The following KHDRBS2 variants were observed in gnomAD, a reference collection of about 807,000 sequenced individuals.
The protein encoded by KHDRBS2 is KH domain-containing, RNA-binding, signal transduction-associated protein 2.
KHDRBS2 carries 26 observed loss-of-function variants against 44.3 expected under a neutral mutation model. The observed-to-expected ratio is 0.59, with a 90% CI of 0.43 to 0.81. The LOEUF is 0.81. KHDRBS2 is among the 40% of genes least tolerant of loss of function. KHDRBS2 has a pLI of 0.00. For synonymous variants in KHDRBS2, 194 were observed against 151.1 expected (o/e 1.28, Z -2.08); for missense variants, 476 against 433.1 (o/e 1.10, Z -0.88).
At chr6:61,602,155 T>C in the KHDRBS2 span, among the ~76,000 whole-genome samples, 1 of 152,150 alleles carries the variant, frequency 6.6e-6, no homozygotes, top group Non-Finnish European at 1.5e-5. Context: ...AATTAAATTC[T>C]GGCCCTCAAA....
At chr6:62,039,717 T>A (rs1428628320) in intron 3 of KHDRBS2, among the ~76,000 whole-genome samples, 9 of 152,022 alleles carry the variant, frequency 5.9e-5, no homozygotes, top group African/African-American at 2.2e-4. Flanking sequence ...TTGATCAAGA[T>A]AAATCTTCAA....
chr6:62,148,256 TA>T (rs1404867606), intron 2 of KHDRBS2, among the ~76,000 whole-genome samples: 1 of 151,986 alleles, frequency 6.6e-6, no homozygotes, highest in Non-Finnish European at 1.5e-5. Context: ...TACTCATAAA[TA>T]AAAATAACAA....
At chr6:61,755,614 A>AGCCTG (rs1256758574) in intron 6 of KHDRBS2, among the ~76,000 whole-genome samples, 1 of 151,938 alleles carries the variant, frequency 6.6e-6, no homozygotes, top group Non-Finnish European at 1.5e-5. Context: ...GTTCGAGACC[A>AGCCTG]GCCTGGCCAA....
At chr6:62,246,102 T>TTTTATATATATATATA (rs1434888553) in intron 1 of KHDRBS2, among the ~76,000 whole-genome samples, 1 of 124,350 alleles carries the variant, frequency 8.0e-6, no homozygotes, top group African/African-American at 2.9e-5. Flanking sequence ...TCAATCAATT[T>TTTTATATATATATATA]TATATATATA....
intron 6 of KHDRBS2, among the ~76,000 whole-genome samples, chr6:61,889,029 C>CA (rs918085207): frequency 2.6e-5 from 4 of 151,854 alleles, no homozygotes; most frequent in African/African-American, 9.7e-5. Flanking sequence ...AAGTAACTCA[C>CA]AAAAAATAGA....
chr6:61,659,174 G>T, the KHDRBS2 span: 1 of 151,666 alleles, frequency 6.6e-6, no homozygotes, highest in Non-Finnish European at 1.5e-5. Context: ...AAAAATAGAA[G>T]AAAATATGTT....
intron 2 of KHDRBS2, among the ~76,000 whole-genome samples, chr6:62,106,827 A>G (rs1166275910): frequency 2.0e-5 from 3 of 152,110 alleles, no homozygotes; most frequent in Non-Finnish European, 4.4e-5. Flanking sequence ...TATAAACAGA[A>G]CCAAAGACAA....
intron 1 of KHDRBS2, among the ~76,000 whole-genome samples, chr6:62,239,545 C>G (rs532121579): frequency 6.6e-6 from 1 of 150,420 alleles, no homozygotes; most frequent in African/African-American, 2.5e-5. Context: ...TGCACTCCAG[C>G]CTGCATGAAA....
chr6:61,806,652 A>G (rs1482627364), intron 6 of KHDRBS2, among the ~76,000 whole-genome samples: 1 of 137,634 alleles, frequency 7.3e-6, no homozygotes, highest in Non-Finnish European at 1.6e-5. Flanking sequence ...CAAATTTCCC[A>G]AATAGAAATA....
the KHDRBS2 span, among the ~76,000 whole-genome samples, chr6:61,616,309 A>G: frequency 7.2e-5 from 11 of 152,220 alleles, no homozygotes; most frequent in African/African-American, 2.4e-4. Flanking sequence ...TTACACTGTA[A>G]TGTTAGTGCA....
intron 6 of KHDRBS2, among the ~76,000 whole-genome samples, chr6:61,890,145 T>C (rs1801598894): frequency 1.3e-5 from 2 of 152,320 alleles, no homozygotes; most frequent in South Asian, 4.1e-4. Flanking sequence ...AGACATTTGG[T>C]TTGATTTGTT....
At chr6:62,111,849 T>A (rs1365241241) in intron 2 of KHDRBS2, among the ~76,000 whole-genome samples, 1 of 151,968 alleles carries the variant, frequency 6.6e-6, no homozygotes, top group East Asian at 1.9e-4. Context: ...ACCATTGAAC[T>A]CCCGCCTAGG....
At chr6:62,028,639 C>T (rs1446400536) in intron 3 of KHDRBS2, among the ~76,000 whole-genome samples, 1 of 152,062 alleles carries the variant, frequency 6.6e-6, no homozygotes, top group African/African-American at 2.4e-5. Flanking sequence ...AAAAACTTTA[C>T]AGTCTTGTGT....
intron 6 of KHDRBS2, among the ~76,000 whole-genome samples, chr6:61,837,380 C>A (rs1228477226): frequency 3.3e-5 from 5 of 151,898 alleles, no homozygotes; most frequent in South Asian, 2.1e-4. Context: ...CCTTAGGCAC[C>A]AACAGCTAGA....
At chr6:61,898,096 C>T (rs9354296) in intron 5 of KHDRBS2, among the ~76,000 whole-genome samples, 132,171 of 152,060 alleles carry the variant, frequency 0.87, 57,889 homozygotes, top group African/African-American at 0.95. Context: ...ATTAAATACA[C>T]TTTCAACAAA....
At chr6:61,788,349 C>A (rs1784131562) in intron 6 of KHDRBS2, among the ~76,000 whole-genome samples, 1 of 151,444 alleles carries the variant, frequency 6.6e-6, no homozygotes, top group South Asian at 2.1e-4. Flanking sequence ...CACTTAGTGT[C>A]ATTTCAAACA....
chr6:61,559,225 G>T, the KHDRBS2 span, among the ~76,000 whole-genome samples: 2 of 152,002 alleles, frequency 1.3e-5, no homozygotes, highest in Non-Finnish European at 2.9e-5. Context: ...CCTGATATAA[G>T]TATAGAAACT....
At chr6:62,196,471 T>A (rs1825728000) in intron 1 of KHDRBS2, among the ~76,000 whole-genome samples, 1 of 152,114 alleles carries the variant, frequency 6.6e-6, no homozygotes. Flanking sequence ...CTACAAAAGG[T>A]TATGCTCACA....
At chr6:61,888,724 G>A (rs1488200928) in intron 6 of KHDRBS2, among the ~76,000 whole-genome samples, 3 of 151,878 alleles carry the variant, frequency 2.0e-5, no homozygotes, top group Non-Finnish European at 2.9e-5. Flanking sequence ...ACCATGCCCA[G>A]CTAACTTTTC....
Sources: gnomAD v4.1 joint callset for allele counts (sites outside exome capture counted in the v4.1 genomes callset) on GRCh38, gnomAD v4.1.1 for gene constraint, MANE v1.5 for transcripts, NCBI Gene and HGNC (gene_info 2026-07-23, HGNC 2026-07-21) for gene names.